The following CDYL2 variants were observed in gnomAD, a reference collection of about 807,000 sequenced individuals.
The protein encoded by CDYL2 is chromodomain Y-like protein 2.
In CDYL2, 23 loss-of-function variants were observed where a neutral mutation model predicts 49.4. The observed-to-expected ratio is 0.47, with a 90% confidence interval of 0.34 to 0.66. CDYL2 has a LOEUF of 0.66. Ranked by LOEUF, CDYL2 falls within the 30% of genes least tolerant of loss-of-function variation. The pLI is 0.01. For missense variants in CDYL2, 678 were observed against 656.4 expected (o/e 1.03, Z -0.36); for synonymous variants, 360 against 268.8 (o/e 1.34, Z -3.32).
chr16:80,668,655 T>A (rs1909371591), intron 2 of CDYL2, among the ~76,000 whole-genome samples: 1 of 152,068 alleles, frequency 6.6e-6, no homozygotes, highest in African/African-American at 2.4e-5. Flanking sequence ...CCCCAGCATT[T>A]CGGGAGGCCA....
chr16:80,630,908 T>C (rs568596670), intron 3 of CDYL2, among the ~76,000 whole-genome samples: 9 of 151,984 alleles, frequency 5.9e-5, no homozygotes, highest in African/African-American at 2.2e-4. Flanking sequence ...TGGACAATGC[T>C]AGGTCATTCT....
At chr16:80,640,553 A>G (rs545945874) in intron 2 of CDYL2, among the ~76,000 whole-genome samples, 210 of 152,206 alleles carry the variant, frequency 1.4e-3, no homozygotes, top group African/African-American at 4.8e-3. Flanking sequence ...CCAGACACAA[A>G]CATCTACAAG....
At chr16:80,626,325 A>T (rs940275772) in intron 3 of CDYL2, among the ~76,000 whole-genome samples, 4 of 144,820 alleles carry the variant, frequency 2.8e-5, no homozygotes, top group African/African-American at 1.1e-4. Context: ...TGTTGTTAAT[A>T]AAAAAAAACT....
At chr16:80,755,320 T>A (rs1478156259) in intron 1 of CDYL2, among the ~76,000 whole-genome samples, 1 of 152,116 alleles carries the variant, frequency 6.6e-6, no homozygotes, top group Admixed American at 6.5e-5. Context: ...GTAAGGTGAA[T>A]TGGAAGGGCT....
chr16:80,654,087 C>T (rs1908702518), intron 2 of CDYL2, among the ~76,000 whole-genome samples: 1 of 152,224 alleles, frequency 6.6e-6, no homozygotes, highest in South Asian at 2.1e-4. Context: ...GATGGAGCCA[C>T]ATCTCACGAT....
rs576821617 is a variant in CDYL2 at position 80,700,071 on chromosome 16, G to C, written c.25-14942C>G. ...AGACGGGGTTTCACCATGTTAGCCA[G>C]GATGGTCTCGATCTCCTGACCTCAT... is the stretch of plus-strand genomic sequence containing the variant. On this transcript the variant is annotated intron_variant, in intron 1 of 6. Transcript: ENST00000570137. 2.0e-4 allele frequency among the ~76,000 whole-genome samples: 30 copies of C among 152,252 alleles called. No individual in the cohort carries two copies. The South Asian group carries it at 6.2e-3, about 32-fold the overall frequency.
intron 1 of CDYL2, among the ~76,000 whole-genome samples, chr16:80,782,927 A>T (rs1567605419): frequency 6.6e-6 from 1 of 152,184 alleles, no homozygotes; most frequent in Non-Finnish European, 1.5e-5. Flanking sequence ...TTTTTACCTA[A>T]AATCAGGAAT....
intron 5 of CDYL2, among the ~76,000 whole-genome samples, chr16:80,610,656 G>A (rs1906553289): frequency 1.3e-5 from 2 of 152,120 alleles, no homozygotes; most frequent in Admixed American, 1.3e-4. Flanking sequence ...ATGTGACTCT[G>A]GGCAAGTCAC....
intron 1 of CDYL2, among the ~76,000 whole-genome samples, chr16:80,783,701 A>T (rs972425922): frequency 6.6e-6 from 1 of 152,266 alleles, no homozygotes. Flanking sequence ...GTCAGATTAC[A>T]TGCTACATAT....
At chr16:80,697,142 T>A (rs1170106044) in intron 1 of CDYL2, among the ~76,000 whole-genome samples, 2 of 151,982 alleles carry the variant, frequency 1.3e-5, no homozygotes, top group Admixed American at 1.3e-4. Flanking sequence ...CCGGCCAACA[T>A]CCCTGATGAA....
At chr16:80,741,191 G>A (rs1219552571) in intron 1 of CDYL2, among the ~76,000 whole-genome samples, 1 of 150,226 alleles carries the variant, frequency 6.7e-6, no homozygotes, top group Non-Finnish European at 1.5e-5. Flanking sequence ...TATATAAGAT[G>A]TGTGTATAAG....
chr16:80,707,149 AAGAAAATTTTT>A (rs1375150712), intron 1 of CDYL2, among the ~76,000 whole-genome samples: 1 of 152,202 alleles, frequency 6.6e-6, no homozygotes. Flanking sequence ...ATGCTAAAAA[AAGAAAATTTTT>A]AGACAATAAA....
chr16:80,683,683 A>G (rs1243589487), intron 2 of CDYL2, among the ~76,000 whole-genome samples: 1 of 152,176 alleles, frequency 6.6e-6, no homozygotes, highest in East Asian at 1.9e-4. Context: ...CAGCATTAAG[A>G]GGAGGGGCCT....
chr16:80,754,960 C>T (rs572623922), intron 1 of CDYL2, among the ~76,000 whole-genome samples: 1 of 151,678 alleles, frequency 6.6e-6, no homozygotes, highest in African/African-American at 2.4e-5. Context: ...TAGGATTTCA[C>T]TTCTGGAACT....
chr16:80,781,501 TA>T (rs1331906169), intron 1 of CDYL2, among the ~76,000 whole-genome samples: 1 of 151,864 alleles, frequency 6.6e-6, no homozygotes, highest in African/African-American at 2.4e-5. Context: ...AGTAAGAAAA[TA>T]GATGACTTGA....
Position 80,684,833 on chromosome 16 carries a change from C to T in CDYL2, c.321G>A (p.Lys107=), listed in dbSNP as rs1398391062. Residue 107 remains lysine, a synonymous_variant, in exon 2 of 7, where the codon AAG becomes AAA. Coordinates refer to ENST00000570137, the MANE Select transcript of CDYL2 (RefSeq NM_152342.4). Reference sequence around the variant, plus strand: ...GCTTGGCCAGGGGAGGGTTAATTCGCTTCCGTTTATGGGAGGTCCCCTTGC... The same window carrying T: ...GCTTGGCCAGGGGAGGGTTAATTCGTTTCCGTTTATGGGAGGTCCCCTTGC... ...GKSKGTSHKR[K]RINPPLAKPK... The T allele has an allele frequency of 1.1e-5, 17 of 1,614,074 alleles. No homozygotes were observed. The highest frequency in any genetic ancestry group is 2.7e-5 in the African/African-American group (2 of 74,924).
chr16:80,772,260 T>C (rs910552399), intron 1 of CDYL2, among the ~76,000 whole-genome samples: 5 of 152,152 alleles, frequency 3.3e-5, no homozygotes, highest in Admixed American at 2.6e-4. Flanking sequence ...GGTAGAAGGC[T>C]GGACATGGAG....
At chr16:80,683,599 T>C (rs1418610075) in intron 2 of CDYL2, among the ~76,000 whole-genome samples, 2 of 152,186 alleles carry the variant, frequency 1.3e-5, no homozygotes, top group South Asian at 2.1e-4. Context: ...AGACAGCATT[T>C]AGGACCCACT....
chr16:80,627,288 C>T (rs1432615389), intron 3 of CDYL2, among the ~76,000 whole-genome samples: 1 of 149,624 alleles, frequency 6.7e-6, no homozygotes, highest in African/African-American at 2.5e-5. Context: ...CTCTGAGAGG[C>T]AAATAAAAAA....
Sources: allele counts gnomAD v4.1 joint callset (sites outside exome capture counted in the v4.1 genomes callset), GRCh38; gene constraint gnomAD v4.1.1; transcripts MANE v1.5; gene names NCBI Gene and HGNC (gene_info 2026-07-23, HGNC 2026-07-21).